GCH1: variants seen among roughly 807,000 people sequenced by gnomAD.
The protein encoded by GCH1 is GTP cyclohydrolase I.
Under a neutral mutation model 25.9 loss-of-function variants are expected in GCH1, and 5 were observed. That is an observed-to-expected ratio of 0.19 (90% CI 0.10 to 0.41). The LOEUF (loss-of-function observed/expected upper bound fraction) is 0.41. Ranked by LOEUF, GCH1 falls within the 10% of genes least tolerant of loss-of-function variation. The pLI is 1.00. For synonymous variants in GCH1, 159 were observed against 129.6 expected, an observed-to-expected ratio of 1.23 and a Z score of -1.54; for missense variants, 261 against 336.5, an observed-to-expected ratio of 0.78 and a Z score of 1.75.
At chr14:54,898,040 G>A (rs1312009634) in intron 1 of GCH1, among the ~76,000 whole-genome samples, 1 of 152,152 alleles carries the variant, frequency 6.6e-6, no homozygotes, top group East Asian at 1.9e-4. Flanking sequence ...GCATGTTACT[G>A]TAATGAATGC....
At chr14:54,862,340 T>C (rs933580172) in intron 2 of GCH1, among the ~76,000 whole-genome samples, 7 of 151,362 alleles carry the variant, frequency 4.6e-5, no homozygotes, top group African/African-American at 1.7e-4. Flanking sequence ...CCTGATGTGA[T>C]ATAATATGAA....
intron 3 of GCH1, among the ~76,000 whole-genome samples, chr14:54,848,795 T>C (rs2039682842): frequency 6.6e-6 from 1 of 152,206 alleles, no homozygotes; most frequent in Non-Finnish European, 1.5e-5. Context: ...AATATATTAA[T>C]AGCTATATTC....
In GCH1 at chr14:54,843,491, T is replaced by TA; in HGVS notation, c.*525dup. ...CCTTGGTGACTAACATTACGACTGC[T>TA]AAAAATATATTTTTAAATGTCACTG... On this transcript the variant is annotated 3_prime_UTR_variant, in exon 6 of 6. Coordinates refer to ENST00000491895, the MANE Select transcript of GCH1 (RefSeq NM_000161.3). 2 of 1,272,990 alleles carry TA rather than the reference T, an allele frequency of 1.6e-6. No individual in the cohort carries two copies. Among genetic ancestry groups the TA allele is most frequent in the Non-Finnish European group, 2.0e-6 (2 of 1,009,736 alleles). The allele number at this position is 1,272,990 out of a possible 1,614,324, so 78.9% of individuals were successfully genotyped here.
intron 3 of GCH1, among the ~76,000 whole-genome samples, chr14:54,849,822 C>G (rs758297312): frequency 3.3e-5 from 5 of 152,106 alleles, no homozygotes; most frequent in Admixed American, 2.0e-4. Flanking sequence ...TTCTTTAGAC[C>G]TTTCTTCCCA....
chr14:54,858,784 C>T (rs536839903), intron 3 of GCH1, among the ~76,000 whole-genome samples: 15 of 152,166 alleles, frequency 9.9e-5, no homozygotes, highest in African/African-American at 1.7e-4. Context: ...TAACTTTATA[C>T]GAAGAAACAA....
chr14:54,843,825 G>A lies in GCH1; in HGVS notation c.*192C>T, dbSNP rs1474584842. The A allele has an allele frequency of 6.2e-7, 1 of 1,612,940 alleles. No homozygotes were observed. Among genetic ancestry groups the A allele is most frequent in the Non-Finnish European group, 8.5e-7 (1 of 1,179,090 alleles). On this transcript the variant is annotated 3_prime_UTR_variant, in exon 6 of 6. Coordinates refer to ENST00000491895, the MANE Select transcript of GCH1 (RefSeq NM_000161.3). ...TAATATTGCCACAAAAAGGTGGCAAGAAGAAAGTAGAGGGCTCAACCCTTT... is the reference window on the plus strand; with the variant it reads ...TAATATTGCCACAAAAAGGTGGCAAAAAGAAAGTAGAGGGCTCAACCCTTT...
chr14:54,887,530 T>C (rs1037337842), intron 1 of GCH1, among the ~76,000 whole-genome samples: 2 of 152,210 alleles, frequency 1.3e-5, no homozygotes, highest in Non-Finnish European at 1.5e-5. Flanking sequence ...TATTCCAGAT[T>C]AAAACGTAAT....
At chr14:54,878,352 T>G (rs1329518940) in intron 1 of GCH1, among the ~76,000 whole-genome samples, 1 of 152,178 alleles carries the variant, frequency 6.6e-6, no homozygotes, top group African/African-American at 2.4e-5. Context: ...TCCTAAAGGA[T>G]AGGAAAGAGC....
At chr14:54,878,378 A>G (rs1382020432) in intron 1 of GCH1, among the ~76,000 whole-genome samples, 1 of 152,210 alleles carries the variant, frequency 6.6e-6, no homozygotes, top group African/African-American at 2.4e-5. Context: ...GAGTCTGCCT[A>G]CTGGTTTTAA....
rs180836102 is a variant in GCH1, at chr14:54,854,333, G to A, written c.509+5348C>T. Among the ~76,000 whole-genome samples, 24 of 152,264 alleles carry A rather than the reference G, an allele frequency of 1.6e-4. No homozygotes were observed. In the East Asian group the frequency reaches 4.4e-3, roughly 28 times the overall value. Reference sequence around the variant, plus strand: ...AGGCAGGAGCTTAACATTCCCTCCAGGAGGAAGATAAGAAAGGCCCAGCAA... The same window carrying A: ...AGGCAGGAGCTTAACATTCCCTCCAAGAGGAAGATAAGAAAGGCCCAGCAA... On this transcript the variant is annotated intron_variant, in intron 3 of 5. Transcript: ENST00000491895.
At chr14:54,888,758 G>T (rs2040387549) in intron 1 of GCH1, among the ~76,000 whole-genome samples, 1 of 150,634 alleles carries the variant, frequency 6.6e-6, no homozygotes, top group African/African-American at 2.4e-5. Context: ...CTCCTGACCT[G>T]GTGATCTGCC....
chr14:54,900,585 A>G (rs2040551134), intron 1 of GCH1, among the ~76,000 whole-genome samples: 1 of 152,166 alleles, frequency 6.6e-6, no homozygotes, highest in Non-Finnish European at 1.5e-5. Context: ...ATCTTCGCTC[A>G]TGAGATATTT....
chr14:54,857,549 T>C (rs769475344), intron 3 of GCH1, among the ~76,000 whole-genome samples: 2 of 151,716 alleles, frequency 1.3e-5, no homozygotes, highest in South Asian at 4.2e-4. Context: ...CTGGAATTTC[T>C]ATATGGGCAA....
At chr14:54,891,449 A>C (rs2140113717) in intron 1 of GCH1, among the ~76,000 whole-genome samples, 3 of 128,892 alleles carry the variant, frequency 2.3e-5, no homozygotes, top group African/African-American at 6.0e-5. Context: ...TCCCTCTGTC[A>C]CCCAGGCTGG....
chr14:54,850,537 G>A (rs368999853), intron 3 of GCH1, among the ~76,000 whole-genome samples: 11 of 151,766 alleles, frequency 7.2e-5, no homozygotes, highest in African/African-American at 2.7e-4. Flanking sequence ...TGTGCACAAC[G>A]TGCAGGTTTG....
In GCH1 at chr14:54,902,665, G is replaced by A; in HGVS notation, c.-2C>T. The A allele has an allele frequency of 2.1e-6, 3 of 1,447,614 alleles. No homozygotes were observed. The highest frequency in any genetic ancestry group is 2.7e-6 in the Non-Finnish European group (3 of 1,103,608). 89.7% of individuals were successfully genotyped at this position (1,447,614 alleles called of 1,614,324 possible). A position where few individuals can be genotyped will look rare whatever the true frequency, so the allele number is the denominator to read the frequency against. ...TGCCCGCACAGGGCCCTTCTCCATG[G>A]ACCCGCCGCAGCCGCTGCCGTTCGG... On this transcript the variant is annotated 5_prime_UTR_variant, in exon 1 of 6. Transcript: ENST00000491895.
chr14:54,892,415 G>A (rs1398822742), intron 1 of GCH1, among the ~76,000 whole-genome samples: 1 of 152,196 alleles, frequency 6.6e-6, no homozygotes, highest in African/African-American at 2.4e-5. Flanking sequence ...AATTACTGAT[G>A]TGGTGGCTCA....
intron 3 of GCH1, among the ~76,000 whole-genome samples, chr14:54,858,528 C>T (rs543588785): frequency 2.0e-4 from 31 of 152,092 alleles, no homozygotes; most frequent in African/African-American, 7.0e-4. Context: ...TCAAGTGATC[C>T]GCCCGCCTCA....
intron 1 of GCH1, among the ~76,000 whole-genome samples, chr14:54,867,605 A>AAAAAAAAAAG: frequency 6.6e-6 from 1 of 150,872 alleles, no homozygotes; most frequent in Non-Finnish European, 1.5e-5. Flanking sequence ...AAAAAAAAAA[A>AAAAAAAAAAG]AAAAAAAAAG....
Sources: gnomAD v4.1 joint callset for allele counts (sites outside exome capture counted in the v4.1 genomes callset) on GRCh38, gnomAD v4.1.1 for gene constraint, MANE v1.5 for transcripts, NCBI Gene and HGNC (gene_info 2026-07-23, HGNC 2026-07-21) for gene names.